TRIM5: variants seen among roughly 807,000 people sequenced by gnomAD.
TRIM5 encodes the protein tripartite motif-containing protein 5.
Under a neutral mutation model 35.6 loss-of-function variants are expected in TRIM5, and 31 were observed. The ratio of observed to expected loss-of-function variants is 0.87; its 90% CI spans 0.65 to 1.18. TRIM5 has a LOEUF of 1.18. Among genes scored for constraint, TRIM5 ranks in the 50% most tolerant of loss-of-function variants. The probability of loss-of-function intolerance (pLI) is 0.00; values close to 1 mark genes in which losing one functional copy is unlikely to be tolerated. For synonymous variants in TRIM5, 243 were observed against 215.6 expected, an observed-to-expected ratio of 1.13 and a Z score of -1.11; for missense variants, 609 against 591.6, an observed-to-expected ratio of 1.03 and a Z score of -0.31.
At chr11:5,592,181 G>C in the TRIM5 span, among the ~76,000 whole-genome samples, 9 of 152,166 alleles carry the variant, frequency 5.9e-5, no homozygotes, top group African/African-American at 1.9e-4. Flanking sequence ...TCTTCAAATT[G>C]ACTAGAATGT....
At chr11:5,610,599 C>G in the TRIM5 span, 3 of 1,602,890 alleles carry the variant, frequency 1.9e-6, no homozygotes, top group Non-Finnish European at 2.6e-6. Flanking sequence ...CTGGCACATT[C>G]TGATCTCCTT....
the TRIM5 span, among the ~76,000 whole-genome samples, chr11:5,598,361 A>G: frequency 6.6e-6 from 1 of 152,150 alleles, no homozygotes. Flanking sequence ...ACTCTTACAA[A>G]TCTTTTTTCT....
the TRIM5 span, chr11:5,608,453 A>T: frequency 6.2e-7 from 1 of 1,605,528 alleles, no homozygotes; most frequent in South Asian, 1.1e-5. Flanking sequence ...TCCTTTACCC[A>T]TGATCAGTGG....
chr11:5,598,927 T>G, the TRIM5 span, among the ~76,000 whole-genome samples: 816 of 152,298 alleles, frequency 5.4e-3, 8 homozygotes, highest in African/African-American at 0.019. Context: ...CCTTTATGTA[T>G]TCACCCTTCA....
At chr11:5,597,925 A>G in the TRIM5 span, among the ~76,000 whole-genome samples, 3 of 105,334 alleles carry the variant, frequency 2.8e-5, no homozygotes, top group South Asian at 8.3e-4. Context: ...GAGAACTTTA[A>G]TATTAAAGTG....
chr11:5,680,809 C>T (rs903214139), intron 1 of TRIM5, among the ~76,000 whole-genome samples: 1 of 152,224 alleles, frequency 6.6e-6, no homozygotes, highest in Non-Finnish European at 1.5e-5. Flanking sequence ...GAGTGAATGA[C>T]TGTTTCATCA....
At chr11:5,661,317 C>G (rs927837360), downstream of TRIM5, among the ~76,000 whole-genome samples, 2 of 152,036 alleles carry the variant, frequency 1.3e-5, no homozygotes, top group Admixed American at 1.3e-4. Context: ...ATCATATAAA[C>G]GTTCTTTTAC....
chr11:5,634,530 C>CATATATATATATATAT, the TRIM5 span: 4 of 203,884 alleles, frequency 2.0e-5, no homozygotes, highest in African/African-American at 1.4e-4. Flanking sequence ...CACACACACA[C>CATATATATATATATAT]ATATATATAT....
At chr11:5,589,327 A>G in the TRIM5 span, 1 of 151,854 alleles carries the variant, frequency 6.6e-6, no homozygotes, top group Non-Finnish European at 1.5e-5. Context: ...AGGTTAATAT[A>G]ATTTATTATG....
At chr11:5,632,290 G>C in the TRIM5 span, 3 of 1,613,178 alleles carry the variant, frequency 1.9e-6, no homozygotes, top group African/African-American at 1.3e-5. Flanking sequence ...AGAGAGGAGA[G>C]CCTCAGGAGT....
At chr11:5,634,901 T>C in the TRIM5 span, 3 of 1,593,812 alleles carry the variant, frequency 1.9e-6, no homozygotes, top group African/African-American at 2.7e-5. Context: ...GGGAACACAG[T>C]TCCCTCCTGT....
the TRIM5 span, among the ~76,000 whole-genome samples, chr11:5,595,555 A>G: frequency 1.3e-5 from 2 of 152,302 alleles, no homozygotes; most frequent in East Asian, 3.9e-4. Flanking sequence ...TATATGGAGT[A>G]CAGGTGTATT....
intron 4 of TRIM5, among the ~76,000 whole-genome samples, chr11:5,670,766 C>T (rs1851527487): frequency 7.2e-6 from 1 of 139,614 alleles, no homozygotes; most frequent in Admixed American, 7.1e-5. Flanking sequence ...TAGAGGCAAA[C>T]CAAAGATACA....
At chr11:5,647,290 T>A in the TRIM5 span, among the ~76,000 whole-genome samples, 19,112 of 152,184 alleles carry the variant, frequency 0.13, 1,582 homozygotes, top group East Asian at 0.38. Context: ...TTTTAGACAC[T>A]AAGATGTCAC....
chr11:5,671,002 G>A (rs1564913305), intron 4 of TRIM5, among the ~76,000 whole-genome samples: 1 of 152,012 alleles, frequency 6.6e-6, no homozygotes, highest in African/African-American at 2.4e-5. Flanking sequence ...CCAGGACTTT[G>A]GGAGGCTGAG....
At chr11:5,607,197 C>T in the TRIM5 span, among the ~76,000 whole-genome samples, 1 of 151,446 alleles carries the variant, frequency 6.6e-6, no homozygotes, top group South Asian at 2.1e-4. Flanking sequence ...GAGCAAGACT[C>T]CATCTCAAAA....
At chr11:5,669,506 A>G (rs1374190415) in intron 4 of TRIM5, among the ~76,000 whole-genome samples, 1 of 152,048 alleles carries the variant, frequency 6.6e-6, no homozygotes, top group South Asian at 2.1e-4. Flanking sequence ...ATTTTTCCAC[A>G]TAGATTTTTT....
chr11:5,591,685 G>T, the TRIM5 span, among the ~76,000 whole-genome samples: 1 of 152,078 alleles, frequency 6.6e-6, no homozygotes. Flanking sequence ...TGATCTGATT[G>T]GATCTTGCAA....
In TRIM5 at chr11:5,664,558, T is replaced by G; in HGVS notation, c.*251A>C. 8.4e-7 allele frequency: 1 copy of G among 1,195,942 alleles called. No individual in the cohort carries two copies. The highest frequency in any genetic ancestry group is 4.1e-5 in the Admixed American group (1 of 24,556). The allele number at this position is 1,195,942 out of a possible 1,614,324, so 74.1% of individuals were successfully genotyped here. On this transcript the variant is annotated 3_prime_UTR_variant, in exon 8 of 8. Coordinates refer to ENST00000380034, the MANE Select transcript of TRIM5 (RefSeq NM_033034.3). ...ATACCTAAATAGCGGTCTCATTTTATGAGGTATAGGTCAGTTTTCCTTAGG... is the reference window on the plus strand; with the variant it reads ...ATACCTAAATAGCGGTCTCATTTTAGGAGGTATAGGTCAGTTTTCCTTAGG...
Sources: allele counts gnomAD v4.1 joint callset (sites outside exome capture counted in the v4.1 genomes callset), GRCh38; gene constraint gnomAD v4.1.1; transcripts MANE v1.5; gene names NCBI Gene and HGNC (gene_info 2026-07-23, HGNC 2026-07-21).